DCT: variants seen among roughly 807,000 people sequenced by gnomAD.
The protein encoded by DCT is L-dopachrome tautomerase.
Under a neutral mutation model 53.0 loss-of-function variants are expected in DCT, and 47 were observed. That is an observed-to-expected ratio of 0.89 (90% CI 0.70 to 1.13). The LOEUF is 1.13. Ranked by LOEUF, DCT falls within the 50% of genes most tolerant of loss-of-function variation. The probability of loss-of-function intolerance (pLI) is 0.00; values close to 1 mark genes in which losing one functional copy is unlikely to be tolerated. For missense variants in DCT, 669 were observed against 637.4 expected (o/e 1.05, Z -0.53); for synonymous variants, 244 against 237.0 (o/e 1.03, Z -0.27).
chr13:94,507,135 G>T, the DCT span, among the ~76,000 whole-genome samples: 1 of 152,204 alleles, frequency 6.6e-6, no homozygotes, highest in Non-Finnish European at 1.5e-5. Flanking sequence ...AATCAGAAAA[G>T]GGACATTAGA....
Position 94,456,120 on chromosome 13 carries a change from C to T in DCT, c.1179+3971G>A, listed in dbSNP as rs114371845. 2.3e-3 allele frequency among the ~76,000 whole-genome samples: 346 copies of T among 152,320 alleles called. 2 individuals are homozygous for T. Among genetic ancestry groups the T allele is most frequent in the African/African-American group, 7.8e-3 (326 of 41,578 alleles). ...TAGAGAAAAGCAAAGATCGCTGTGG[C>T]GGCGTCACAGATAAGCCCCCACCTT... On this transcript the variant is annotated intron_variant, in intron 6 of 7. Coordinates refer to ENST00000377028, the MANE Select transcript of DCT (RefSeq NM_001922.5).
the DCT span, among the ~76,000 whole-genome samples, chr13:94,496,337 C>T: frequency 9.8e-4 from 149 of 152,030 alleles, no homozygotes; most frequent in South Asian, 4.0e-3. Context: ...GGGATTACAG[C>T]CACACACCAC....
In DCT at chr13:94,465,871, G is replaced by A. The variant is rs1884159441; in HGVS notation, c.697-72C>T. ...ACAACAAGAAAGCATACAAGGCAAAGGCTGATATGTATCTGAACCAAATAT... is the reference window on the plus strand; with the variant it reads ...ACAACAAGAAAGCATACAAGGCAAAAGCTGATATGTATCTGAACCAAATAT... On this transcript the variant is annotated intron_variant, in intron 3 of 7. Coordinates refer to ENST00000377028, the MANE Select transcript of DCT (RefSeq NM_001922.5). 4 of 1,308,064 alleles carry A rather than the reference G, an allele frequency of 3.1e-6. No individual in the cohort carries two copies. In the Admixed American group the frequency reaches 6.1e-5, roughly 20 times the overall value. The allele number at this position is 1,308,064 out of a possible 1,614,324, so 81.0% of individuals were successfully genotyped here. A position where few individuals can be genotyped will look rare whatever the true frequency, so the allele number is the denominator to read the frequency against.
the DCT span, among the ~76,000 whole-genome samples, chr13:94,518,525 T>C: frequency 6.6e-6 from 1 of 152,192 alleles, no homozygotes; most frequent in African/African-American, 2.4e-5. Context: ...TCTTCTCTCA[T>C]CCCCTTGATG....
the DCT span, among the ~76,000 whole-genome samples, chr13:94,520,091 ATAT>A: frequency 6.6e-6 from 1 of 152,210 alleles, no homozygotes; most frequent in African/African-American, 2.4e-5. Context: ...TAGCTTTCAG[ATAT>A]TATACCACTT....
Position 94,465,698 on chromosome 13 carries a change from T to C in DCT, c.798A>G (p.Arg266=), listed in dbSNP as rs758286477. 2 of 1,613,528 alleles carry C rather than the reference T, an allele frequency of 1.2e-6. No homozygotes were observed. The highest frequency in any genetic ancestry group is 1.7e-6 in the Non-Finnish European group (2 of 1,179,884). The change falls in exon 4 of 8, where the codon AGA becomes AGG. Residue 266 remains arginine, a synonymous_variant. Transcript: ENST00000377028. ...VCTDQLFGAA[R]PDDPTLISRN... ...GACTAATCAGAGTCGGATCGTCTGGTCTCGCTGCCCCAAACAGCTGGTCTG... is the reference window on the plus strand; with the variant it reads ...GACTAATCAGAGTCGGATCGTCTGGCCTCGCTGCCCCAAACAGCTGGTCTG...
At chr13:94,444,480 G>A (rs760184507) in intron 6 of DCT, 14 of 465,772 alleles carry the variant, frequency 3.0e-5, no homozygotes. Context: ...TTTTCTCAAG[G>A]AAGCCATTAA....
rs148902424 is a variant in DCT, at chr13:94,465,761, C to A, written c.735G>T (p.Trp245Cys). 3 of 1,612,040 alleles carry A rather than the reference C, an allele frequency of 1.9e-6. No homozygotes were observed. Among genetic ancestry groups the A allele is most frequent in the Admixed American group, 1.7e-5 (1 of 59,858 alleles). ...IGNESFALPY[W>C]NFATGRNECD... ...ACTCGTTCCTCCCAGTGGCAAAGTT[C>A]CAGTAGGGCAAAGCAAAAGACTCAT... The change falls in exon 4 of 8, where the codon TGG (tryptophan) becomes TGT (cysteine). Residue 245 changes from tryptophan (W) to cysteine (C), a missense_variant. Coordinates refer to ENST00000377028, the MANE Select transcript of DCT (RefSeq NM_001922.5).
the DCT span, among the ~76,000 whole-genome samples, chr13:94,515,603 C>G: frequency 6.6e-6 from 1 of 152,162 alleles, no homozygotes; most frequent in Non-Finnish European, 1.5e-5. Context: ...GAAGTAGAGG[C>G]TTACAAAACC....
chr13:94,476,212 G>T (rs112024948), intron 1 of DCT, among the ~76,000 whole-genome samples: 6,323 of 123,324 alleles, frequency 0.051, 261 homozygotes, highest in Non-Finnish European at 0.077. Context: ...TTTTTTGAAG[G>T]TAGGTCTCCA....
intron 6 of DCT, 25 bp downstream of exon 6, chr13:94,460,066 A>T (rs773213304): frequency 4.4e-6 from 7 of 1,606,388 alleles, no homozygotes; most frequent in Non-Finnish European, 5.1e-6. Flanking sequence ...GAAAATTTTC[A>T]TGCATTCTGA....
At chr13:94,477,961 G>A (rs75034321) in intron 1 of DCT, among the ~76,000 whole-genome samples, 2,417 of 152,254 alleles carry the variant, frequency 0.016, 53 homozygotes, top group African/African-American at 0.054. Flanking sequence ...GAAACTGGAG[G>A]TGGGAAAGAT....
the DCT span, among the ~76,000 whole-genome samples, chr13:94,519,036 C>T: frequency 1.3e-5 from 2 of 152,064 alleles, no homozygotes; most frequent in South Asian, 4.1e-4. Flanking sequence ...CACCATTGCC[C>T]CCTCCGCCTA....
Position 94,440,084 on chromosome 13 carries a change from A to G in DCT, c.1382-8T>C, listed in dbSNP as rs1342558252. On this transcript the variant is annotated splice_polypyrimidine_tract_variant and splice_region_variant and intron_variant, in intron 7 of 7. Transcript: ENST00000377028. Reference sequence around the variant, plus strand: ...GAGTTTCTTCAACTGAAACTAAAGCAGAAGAGAAGGGTCTACAATCAGGAT... The same window carrying G: ...GAGTTTCTTCAACTGAAACTAAAGCGGAAGAGAAGGGTCTACAATCAGGAT... 6.2e-7 allele frequency: 1 copy of G among 1,611,650 alleles called. No individual in the cohort carries two copies.
chr13:94,524,083 TG>T, the DCT span, among the ~76,000 whole-genome samples: 2 of 152,222 alleles, frequency 1.3e-5, no homozygotes, highest in Non-Finnish European at 2.9e-5. Context: ...CAGGAGGAGA[TG>T]ATCTCCATCC....
the DCT span, among the ~76,000 whole-genome samples, chr13:94,508,558 A>G: frequency 6.6e-6 from 1 of 152,238 alleles, no homozygotes. Flanking sequence ...CCTTGTCATA[A>G]AAATGAAACT....
intron 6 of DCT, chr13:94,445,799 A>G (rs775694325): frequency 4.8e-6 from 7 of 1,457,498 alleles, no homozygotes; most frequent in Non-Finnish European, 6.6e-6. Flanking sequence ...TTTTGTTTGT[A>G]GTTCTTACAT....
At chr13:94,532,003 G>A in the DCT span, among the ~76,000 whole-genome samples, 6 of 152,118 alleles carry the variant, frequency 3.9e-5, no homozygotes, top group Admixed American at 2.6e-4. Flanking sequence ...CTCAAAAGAA[G>A]CCATTTATGC....
At chr13:94,516,791 C>T in the DCT span, among the ~76,000 whole-genome samples, 1 of 136,686 alleles carries the variant, frequency 7.3e-6, no homozygotes, top group Admixed American at 7.4e-5. Context: ...CAAGAAGGTC[C>T]TCACCAAATG....
Sources: gnomAD v4.1 joint callset for allele counts (sites outside exome capture counted in the v4.1 genomes callset) on GRCh38, gnomAD v4.1.1 for gene constraint, MANE v1.5 for transcripts, NCBI Gene and HGNC (gene_info 2026-07-23, HGNC 2026-07-21) for gene names.